Variants in RNF144A observed in about 807,000 individuals in gnomAD.
RNF144A encodes E3 ubiquitin-protein ligase RNF144A.
RNF144A carries 11 observed loss-of-function variants against 38.7 expected under a neutral mutation model. That is an observed-to-expected ratio of 0.28 (90% CI 0.18 to 0.47). RNF144A has a LOEUF of 0.47. Among genes scored for constraint, RNF144A ranks in the 20% least tolerant of loss-of-function variants. RNF144A has a pLI of 0.99. For synonymous variants in RNF144A, 149 were observed against 143.9 expected, an observed-to-expected ratio of 1.04 and a Z score of -0.25; for missense variants, 316 against 377.2, an observed-to-expected ratio of 0.84 and a Z score of 1.34.
chr2:6,990,099 C>T (rs913280189), intron 2 of RNF144A, among the ~76,000 whole-genome samples: 2 of 152,172 alleles, frequency 1.3e-5, no homozygotes, highest in African/African-American at 4.8e-5. Flanking sequence ...GCTGCTGTAA[C>T]AGAATACCAT....
intron 2 of RNF144A, among the ~76,000 whole-genome samples, chr2:6,995,120 A>T (rs1669636901): frequency 6.6e-6 from 1 of 152,140 alleles, no homozygotes. Flanking sequence ...TCCATGTGGA[A>T]TTCACCAGGT....
At chr2:6,969,751 G>T (rs1361160098) in intron 2 of RNF144A, among the ~76,000 whole-genome samples, 2 of 152,116 alleles carry the variant, frequency 1.3e-5, no homozygotes, top group African/African-American at 4.8e-5. Flanking sequence ...GCACAAAATT[G>T]TTACAAATCT....
chr2:6,990,305 C>G (rs1339833936), intron 2 of RNF144A, among the ~76,000 whole-genome samples: 1 of 150,746 alleles, frequency 6.6e-6, no homozygotes, highest in East Asian at 2.0e-4. Context: ...AACTCCAGTC[C>G]TATTGGATTA....
chr2:7,011,635 AT>A (rs1378905972), intron 3 of RNF144A, among the ~76,000 whole-genome samples: 1 of 152,246 alleles, frequency 6.6e-6, no homozygotes, highest in Non-Finnish European at 1.5e-5. Context: ...GTCTACTGCT[AT>A]CTATAATGAG....
intron 8 of RNF144A, among the ~76,000 whole-genome samples, chr2:7,037,437 C>A (rs1213079360): frequency 6.6e-6 from 1 of 152,208 alleles, no homozygotes; most frequent in East Asian, 1.9e-4. Context: ...TCAAAATTTC[C>A]CTTCAAATAG....
chr2:7,020,544 G>A lies in RNF144A; in HGVS notation c.373G>A (p.Val125Met), dbSNP rs771611477. The change falls in exon 6 of 9, where the codon GTG becomes ATG. Residue 125 changes from valine (V) to methionine (M), a missense_variant. Val to Met is a conservative substitution (Grantham distance 21). Coordinates refer to ENST00000320892, the MANE Select transcript of RNF144A (RefSeq NM_014746.6). ...CCAAGCTGTGTGTCAGCTCCAGGAC[G>A]TGGGGCTGCAGACCCCCCAGCCAGT... ...TCQAVCQLQD[V>M]GLQTPQPVQC... is the part of the protein sequence containing the mutation. The A allele has an allele frequency of 2.6e-5, 42 of 1,613,440 alleles. No individual in the cohort carries two copies. The Middle Eastern group carries it at 1.3e-3, about 51-fold the overall frequency.
intron 6 of RNF144A, among the ~76,000 whole-genome samples, chr2:7,054,007 A>T (rs1415051910): frequency 6.6e-6 from 1 of 152,246 alleles, no homozygotes; most frequent in Non-Finnish European, 1.5e-5. Context: ...TGCACAGCTC[A>T]GCATGGCATG....
chr2:7,004,684 C>A (rs963027690), intron 3 of RNF144A, among the ~76,000 whole-genome samples: 1 of 152,174 alleles, frequency 6.6e-6, no homozygotes, highest in Non-Finnish European at 1.5e-5. Context: ...AGCTCCATTG[C>A]GGATGCTCCT....
intron 1 of RNF144A, among the ~76,000 whole-genome samples, chr2:6,926,413 A>AGAACT (rs780288009): frequency 2.6e-4 from 39 of 152,364 alleles, no homozygotes; most frequent in Middle Eastern, 3.4e-3. Flanking sequence ...CACATGCGAG[A>AGAACT]GAACTGCCCC....
intron 8 of RNF144A, among the ~76,000 whole-genome samples, chr2:7,031,117 C>G (rs114223040): frequency 4.6e-5 from 7 of 152,118 alleles, no homozygotes; most frequent in Non-Finnish European, 8.8e-5. Flanking sequence ...TCACTCCTGC[C>G]GTGCACCCTG....
chr2:6,947,142 CT>C (rs1666388913), intron 2 of RNF144A, among the ~76,000 whole-genome samples: 8 of 151,920 alleles, frequency 5.3e-5, no homozygotes, highest in Non-Finnish European at 1.2e-4. Context: ...TGAATTGAGT[CT>C]TATTATACAT....
At chr2:7,011,994 A>C (rs2103415491) in intron 3 of RNF144A, among the ~76,000 whole-genome samples, 1 of 152,230 alleles carries the variant, frequency 6.6e-6, no homozygotes, top group African/African-American at 2.4e-5. Context: ...CTTGTTGCAT[A>C]TGGGTGTACG....
At chr2:6,981,332 T>C (rs1014051602) in intron 2 of RNF144A, among the ~76,000 whole-genome samples, 1 of 152,152 alleles carries the variant, frequency 6.6e-6, no homozygotes, top group African/African-American at 2.4e-5. Flanking sequence ...CTTTTATCTC[T>C]GCTTTTTTTT....
chr2:6,920,624 C>T (rs1479960227), intron 1 of RNF144A, among the ~76,000 whole-genome samples: 3 of 152,184 alleles, frequency 2.0e-5, no homozygotes, highest in African/African-American at 4.8e-5. Context: ...GAATGGAGTG[C>T]TTCTAAGGAA....
intron 8 of RNF144A, among the ~76,000 whole-genome samples, chr2:7,038,978 G>T (rs1672865402): frequency 6.6e-6 from 1 of 152,068 alleles, no homozygotes; most frequent in African/African-American, 2.4e-5. Flanking sequence ...TTGATGGGTG[G>T]GTGGATGGTT....
rs1296990004 is a variant in RNF144A at position 7,041,135 on chromosome 2, G to A, written c.*1375G>A. 1 of 980,470 alleles carries A rather than the reference G, an allele frequency of 1.0e-6. No individual in the cohort carries two copies. The highest frequency in any genetic ancestry group is 1.8e-5 in the African/African-American group (1 of 57,114). The allele number at this position is 980,470 out of a possible 1,614,324, so 60.7% of individuals were successfully genotyped here. ...CTTCTAAAAATAACAGGCAAATATT[G>A]TAGCTATATTACAGTGGGATTTTAA... On this transcript the variant is annotated 3_prime_UTR_variant, in exon 9 of 9. Transcript: ENST00000320892.
At chr2:6,942,949 A>G (rs1666108076) in intron 2 of RNF144A, among the ~76,000 whole-genome samples, 1 of 152,124 alleles carries the variant, frequency 6.6e-6, no homozygotes, top group African/African-American at 2.4e-5. Context: ...GTGGCATTGC[A>G]CTCCAGCCTG....
At chr2:7,002,674 C>T (rs537019845) in intron 3 of RNF144A, among the ~76,000 whole-genome samples, 2 of 152,258 alleles carry the variant, frequency 1.3e-5, no homozygotes, top group East Asian at 3.9e-4. Flanking sequence ...TAATGGTGAT[C>T]CCATAAGATT....
chr2:6,980,472 C>T (rs1266665781), intron 2 of RNF144A, among the ~76,000 whole-genome samples: 6 of 152,260 alleles, frequency 3.9e-5, no homozygotes, highest in East Asian at 1.9e-4. Context: ...GGCCCCATGC[C>T]AGTCTGAAAT....
Sources: gnomAD v4.1 joint callset for allele counts (sites outside exome capture counted in the v4.1 genomes callset) on GRCh38, gnomAD v4.1.1 for gene constraint, MANE v1.5 for transcripts, NCBI Gene and HGNC (gene_info 2026-07-23, HGNC 2026-07-21) for gene names.